Variants in EEF2K observed in about 807,000 individuals in gnomAD.
EEF2K encodes the protein alternative protein EEF2K.
EEF2K carries 70 observed loss-of-function variants against 93.8 expected under a neutral mutation model. The ratio of observed to expected loss-of-function variants is 0.75; its 90% CI spans 0.62 to 0.91. The LOEUF is 0.91. Among genes scored for constraint, EEF2K ranks in the 40% least tolerant of loss-of-function variants. The pLI, the probability that EEF2K is intolerant of heterozygous loss-of-function variation, is 0.00. For missense variants in EEF2K, 935 were observed against 972.9 expected, an observed-to-expected ratio of 0.96 and a Z score of 0.52; for synonymous variants, 376 against 380.8, an observed-to-expected ratio of 0.99 and a Z score of 0.15.
chr16:22,264,006 C>T (rs539692980), intron 12 of EEF2K, among the ~76,000 whole-genome samples: 23 of 152,062 alleles, frequency 1.5e-4, no homozygotes, highest in African/African-American at 5.3e-4. Context: ...GAATAAAGAA[C>T]ATGCTGGCCG....
chr16:22,264,697 G>GA lies in EEF2K; in HGVS notation c.1378-120dup, dbSNP rs1009963532. 9 of 1,050,002 alleles carry GA rather than the reference G, an allele frequency of 8.6e-6. No homozygotes were observed. In the African/African-American group the frequency reaches 1.4e-4, roughly 17 times the overall value. 65.0% of individuals were successfully genotyped at this position (1,050,002 alleles called of 1,614,324 possible). ...TGGGAACATAGGGCCAATTTTCTGA[G>GA]ATAAGGGTCACCTAGGAGGGCCAGG... On this transcript the variant is annotated intron_variant, in intron 12 of 17. Transcript: ENST00000263026.
At chr16:22,282,037 G>A (rs2047698313) in intron 17 of EEF2K, among the ~76,000 whole-genome samples, 1 of 152,092 alleles carries the variant, frequency 6.6e-6, no homozygotes, top group South Asian at 2.1e-4. Context: ...AAGATGGGAG[G>A]ATCACTTGAG....
At chr16:22,231,237 C>T (rs966485493) in intron 2 of EEF2K, among the ~76,000 whole-genome samples, 10 of 148,148 alleles carry the variant, frequency 6.8e-5, no homozygotes, top group East Asian at 2.1e-4. Context: ...TACAGCCGCC[C>T]GCCACCACGC....
intron 2 of EEF2K, among the ~76,000 whole-genome samples, chr16:22,236,920 A>C (rs2141659849): frequency 6.8e-6 from 1 of 146,288 alleles, no homozygotes; most frequent in Admixed American, 6.9e-5. Context: ...TTTTTATGAA[A>C]TATCCACAGA....
intron 6 of EEF2K, among the ~76,000 whole-genome samples, chr16:22,255,940 G>A (rs1248576549): frequency 6.6e-6 from 1 of 151,266 alleles, no homozygotes; most frequent in African/African-American, 2.4e-5. Flanking sequence ...TTAAGACGGA[G>A]TCTCACTCTG....
chr16:22,269,774 G>C (rs1322060747), intron 15 of EEF2K, among the ~76,000 whole-genome samples: 7 of 152,086 alleles, frequency 4.6e-5, no homozygotes, highest in Non-Finnish European at 7.3e-5. Flanking sequence ...TGAATATTGG[G>C]AGGATATTGT....
At chr16:22,211,952 GC>G (rs1333972890) in intron 1 of EEF2K, among the ~76,000 whole-genome samples, 1 of 150,900 alleles carries the variant, frequency 6.6e-6, no homozygotes, top group African/African-American at 2.4e-5. Context: ...ACATGGTCTG[GC>G]CACCGAGAGG....
At position 22,286,421 on chromosome 16, in the gene EEF2K, G is replaced by A. The variant is rs2047753907; in HGVS notation, c.*2425G>A. 6.6e-6 allele frequency: 1 copy of A among 152,114 alleles called. No homozygotes were observed. The highest frequency in any genetic ancestry group is 1.5e-5 in the Non-Finnish European group (1 of 68,022). 9.4% of individuals were successfully genotyped at this position (152,114 alleles called of 1,614,324 possible). A position where few individuals can be genotyped will look rare whatever the true frequency, so the allele number is the denominator to read the frequency against. ...AATAATTTGTGTTCCCTGATCACTC[G>A]TTTAAGTTCTTAGTTGTATGTCATC... is the stretch of plus-strand genomic sequence containing the variant. On this transcript the variant is annotated 3_prime_UTR_variant, in exon 18 of 18. Coordinates refer to ENST00000263026, the MANE Select transcript of EEF2K (RefSeq NM_013302.5).
chr16:22,219,899 G>A (rs1013092380), intron 1 of EEF2K, among the ~76,000 whole-genome samples: 9 of 152,086 alleles, frequency 5.9e-5, no homozygotes, highest in Admixed American at 3.3e-4. Flanking sequence ...CTTGAGCTCC[G>A]GCAATCACAT....
At chr16:22,208,846 C>T (rs1894345081) in intron 1 of EEF2K, among the ~76,000 whole-genome samples, 2 of 152,138 alleles carry the variant, frequency 1.3e-5, no homozygotes, top group Non-Finnish European at 1.5e-5. Context: ...GGGGTGCTCC[C>T]TGGATGAATT....
At chr16:22,213,251 G>C (rs796716825) in intron 1 of EEF2K, among the ~76,000 whole-genome samples, 6 of 152,316 alleles carry the variant, frequency 3.9e-5, no homozygotes, top group African/African-American at 1.4e-4. Flanking sequence ...CTGCACTCCA[G>C]CCTGGGCGAC....
chr16:22,282,008 C>T (rs1471539601), intron 17 of EEF2K, among the ~76,000 whole-genome samples: 3 of 152,110 alleles, frequency 2.0e-5, no homozygotes, highest in African/African-American at 7.2e-5. Context: ...TGCCTGTAAT[C>T]CCAGCACTTT....
intron 16 of EEF2K, among the ~76,000 whole-genome samples, chr16:22,276,566 T>C (rs980257810): frequency 6.6e-6 from 1 of 152,032 alleles, no homozygotes; most frequent in Non-Finnish European, 1.5e-5. Flanking sequence ...TACTATCCAA[T>C]AGGCGAAGGA....
intron 1 of EEF2K, among the ~76,000 whole-genome samples, chr16:22,213,492 C>T (rs2046934100): frequency 6.6e-6 from 1 of 152,168 alleles, no homozygotes. Flanking sequence ...CCAAATGTCC[C>T]TTGAGGGAGC....
intron 17 of EEF2K, among the ~76,000 whole-genome samples, chr16:22,282,335 A>C (rs2047701735): frequency 6.6e-6 from 1 of 152,222 alleles, no homozygotes; most frequent in African/African-American, 2.4e-5. Flanking sequence ...TCCTGGATGC[A>C]AGTGGGGAGA....
intron 10 of EEF2K, 189 bp downstream of exon 10, chr16:22,258,884 C>T: frequency 1.5e-6 from 1 of 660,798 alleles, no homozygotes; most frequent in South Asian, 2.2e-5. Context: ...TAAAAACAAC[C>T]CCTATTGTAG....
At chr16:22,238,077 G>C (rs530337296) in intron 2 of EEF2K, among the ~76,000 whole-genome samples, 1 of 152,260 alleles carries the variant, frequency 6.6e-6, no homozygotes, top group East Asian at 1.9e-4. Flanking sequence ...ATCACCTGAG[G>C]CCAGGAGTTC....
chr16:22,272,087 CA>C (rs1242372231), intron 15 of EEF2K, among the ~76,000 whole-genome samples: 9 of 151,994 alleles, frequency 5.9e-5, no homozygotes, highest in Admixed American at 2.0e-4. Flanking sequence ...GCCTTTCTTA[CA>C]ATAGAAAAAA....
chr16:22,274,513 T>G (rs2047616308), intron 16 of EEF2K, among the ~76,000 whole-genome samples: 1 of 151,672 alleles, frequency 6.6e-6, no homozygotes. Flanking sequence ...TAGGTAATGA[T>G]TTGCCTGAGA....
Sources: gnomAD v4.1 joint callset for allele counts (sites outside exome capture counted in the v4.1 genomes callset) on GRCh38, gnomAD v4.1.1 for gene constraint, MANE v1.5 for transcripts, NCBI Gene and HGNC (gene_info 2026-07-23, HGNC 2026-07-21) for gene names.